The following FMN2 variants were observed in gnomAD, a reference collection of about 807,000 sequenced individuals.
The protein encoded by FMN2 is formin 2.
A neutral mutation model predicts 142.3 loss-of-function variants in FMN2; 51 were observed. The observed-to-expected ratio is 0.36, with a 90% CI of 0.29 to 0.45. The LOEUF (loss-of-function observed/expected upper bound fraction) is 0.45. Among genes scored for constraint, FMN2 ranks in the 20% least tolerant of loss-of-function variants. The probability of loss-of-function intolerance (pLI) is 1.00; values close to 1 mark genes in which losing one functional copy is unlikely to be tolerated. For synonymous variants in FMN2, 882 were observed against 869.8 expected, an observed-to-expected ratio of 1.01 and a Z score of -0.25; for missense variants, 1,936 against 2,122.8, an observed-to-expected ratio of 0.91 and a Z score of 1.73.
At chr1:240,116,040 C>G (rs149592755) in intron 1 of FMN2, among the ~76,000 whole-genome samples, 1 of 152,324 alleles carries the variant, frequency 6.6e-6, no homozygotes, top group East Asian at 1.9e-4. Context: ...TCCATGCTAA[C>G]GATTCCTTTA....
chr1:240,175,084 G>C (rs1042108356), intron 2 of FMN2, among the ~76,000 whole-genome samples: 6 of 152,106 alleles, frequency 3.9e-5, no homozygotes, highest in Non-Finnish European at 8.8e-5. Flanking sequence ...TACGGTATTC[G>C]TCTGTTTGTA....
chr1:240,406,719 G>GTGAA (rs1266960803), intron 15 of FMN2, among the ~76,000 whole-genome samples: 2 of 152,126 alleles, frequency 1.3e-5, no homozygotes, highest in Admixed American at 1.3e-4. Flanking sequence ...TCTCAAAAGG[G>GTGAA]TGAATGTGGT....
chr1:240,171,279 T>G (rs1664691958), intron 2 of FMN2: 1 of 741,022 alleles, frequency 1.3e-6, no homozygotes, highest in Non-Finnish European at 2.5e-6. Context: ...GCATTCGAAC[T>G]GTTGTGAAGA....
intron 6 of FMN2, among the ~76,000 whole-genome samples, chr1:240,249,808 T>A (rs1198910182): frequency 6.6e-6 from 1 of 152,160 alleles, no homozygotes; most frequent in East Asian, 1.9e-4. Flanking sequence ...TACAGAGGTC[T>A]TCTGTCTTCT....
At chr1:240,094,208 T>C (rs958051134) in intron 1 of FMN2, among the ~76,000 whole-genome samples, 1 of 152,198 alleles carries the variant, frequency 6.6e-6, no homozygotes, top group Non-Finnish European at 1.5e-5. Flanking sequence ...CTCATAGCTG[T>C]GTGTATTTGT....
At chr1:240,183,886 G>A (rs1022817750) in intron 3 of FMN2, among the ~76,000 whole-genome samples, 1 of 152,084 alleles carries the variant, frequency 6.6e-6, no homozygotes, top group Non-Finnish European at 1.5e-5. Flanking sequence ...AATCAAACTG[G>A]TATATACCAT....
chr1:240,301,550 T>C (rs556080097), intron 8 of FMN2, among the ~76,000 whole-genome samples: 13 of 152,094 alleles, frequency 8.5e-5, no homozygotes, highest in Admixed American at 6.5e-4. Context: ...ACACATCTTT[T>C]CAGTGATGAA....
At chr1:240,198,431 A>G (rs974402681) in intron 4 of FMN2, among the ~76,000 whole-genome samples, 7 of 152,074 alleles carry the variant, frequency 4.6e-5, no homozygotes, top group African/African-American at 1.7e-4. Flanking sequence ...TCCATATCAC[A>G]TTTCTCAGTC....
chr1:240,298,576 G>C (rs1167520678), intron 8 of FMN2, among the ~76,000 whole-genome samples: 2 of 152,162 alleles, frequency 1.3e-5, no homozygotes, highest in African/African-American at 4.8e-5. Context: ...ATTACTGCCT[G>C]AGCTCCACTT....
intron 6 of FMN2, among the ~76,000 whole-genome samples, chr1:240,234,951 T>G (rs1667653578): frequency 6.6e-6 from 1 of 152,198 alleles, no homozygotes; most frequent in Non-Finnish European, 1.5e-5. Context: ...ACTTACAATT[T>G]CAGATTGTTC....
At chr1:240,367,737 T>C (rs559139721) in intron 14 of FMN2, among the ~76,000 whole-genome samples, 1,788 of 128,996 alleles carry the variant, frequency 0.014, 35 homozygotes, top group African/African-American at 0.047. Flanking sequence ...CACTGCACTC[T>C]AGCCTGGGTG....
At chr1:240,307,219 T>G (rs1463664778) in intron 8 of FMN2, among the ~76,000 whole-genome samples, 1 of 145,028 alleles carries the variant, frequency 6.9e-6, no homozygotes, top group Non-Finnish European at 1.5e-5. Context: ...TGTCAAGAGT[T>G]TCTTCTGTTG....
At chr1:240,261,299 C>T (rs932328916) in intron 7 of FMN2, among the ~76,000 whole-genome samples, 12 of 151,104 alleles carry the variant, frequency 7.9e-5, no homozygotes, top group Admixed American at 5.3e-4. Flanking sequence ...TATCACGCAG[C>T]TCATTAATGA....
intron 2 of FMN2, among the ~76,000 whole-genome samples, chr1:240,165,604 AT>A (rs1208365032): frequency 6.8e-6 from 1 of 147,022 alleles, no homozygotes; most frequent in African/African-American, 2.5e-5. Context: ...ATTTTTGTTT[AT>A]TTTTTATTTA....
At chr1:240,188,093 A>G (rs2103347699) in intron 3 of FMN2, 114 bp from the exon 4 acceptor site, 1 of 946,412 alleles carries the variant, frequency 1.1e-6, no homozygotes, top group South Asian at 1.6e-5. Context: ...GAGACTGGAT[A>G]TTTTTTGGTA....
intron 14 of FMN2, 43 bp downstream of exon 14, chr1:240,355,951 CAA>C (rs58002724): frequency 3.2e-4 from 80 of 252,858 alleles, no homozygotes; most frequent in Middle Eastern, 1.4e-3. Flanking sequence ...CCCCTTTCAG[CAA>C]AAAAAAAAAA....
At chr1:240,147,998 T>C (rs1190892380) in intron 2 of FMN2, among the ~76,000 whole-genome samples, 1 of 152,206 alleles carries the variant, frequency 6.6e-6, no homozygotes. Flanking sequence ...CTCTTGTCTT[T>C]TGTTCTTTCA....
At chr1:240,404,893 G>A (rs1674097521) in intron 15 of FMN2, among the ~76,000 whole-genome samples, 1 of 152,158 alleles carries the variant, frequency 6.6e-6, no homozygotes, top group Non-Finnish European at 1.5e-5. Flanking sequence ...TTCTGATTAT[G>A]AGAATTTTAA....
At chr1:240,134,804 A>G (rs532939026) in intron 2 of FMN2, among the ~76,000 whole-genome samples, 1 of 152,018 alleles carries the variant, frequency 6.6e-6, no homozygotes, top group Non-Finnish European at 1.5e-5. Flanking sequence ...TTCTCAATCC[A>G]TTTTACTTAA....
Sources: gnomAD v4.1 joint callset for allele counts (sites outside exome capture counted in the v4.1 genomes callset) on GRCh38, gnomAD v4.1.1 for gene constraint, MANE v1.5 for transcripts, NCBI Gene and HGNC (gene_info 2026-07-23, HGNC 2026-07-21) for gene names.